Variants in BCL2 observed in about 807,000 individuals in gnomAD.
BCL2 encodes the protein apoptosis regulator Bcl-2.
A neutral mutation model predicts 14.2 loss-of-function variants in BCL2; 1 was observed. The ratio of observed to expected loss-of-function variants is 0.07; its 90% CI spans 0.02 to 0.33. BCL2 has a LOEUF of 0.33. BCL2 is among the 10% of genes least tolerant of loss of function. The pLI is 0.99. For missense variants in BCL2, 247 were observed against 305.9 expected (o/e 0.81, Z 1.44); for synonymous variants, 151 against 137.2 (o/e 1.10, Z -0.70).
intron 2 of BCL2, among the ~76,000 whole-genome samples, chr18:63,244,363 G>A (rs1001555928): frequency 6.6e-6 from 1 of 151,988 alleles, no homozygotes; most frequent in Non-Finnish European, 1.5e-5. Flanking sequence ...GGGCGACAGA[G>A]CAAGACTCTG....
intron 2 of BCL2, among the ~76,000 whole-genome samples, chr18:63,219,016 AT>A (rs1455983820): frequency 6.6e-6 from 1 of 152,162 alleles, no homozygotes; most frequent in Admixed American, 6.5e-5. Flanking sequence ...GTTGGTTGAT[AT>A]CACTGCACTC....
chr18:63,214,780 G>T (rs1040335312), intron 2 of BCL2, among the ~76,000 whole-genome samples: 1 of 151,966 alleles, frequency 6.6e-6, no homozygotes, highest in East Asian at 1.9e-4. Context: ...GCACGATCTT[G>T]GCTCACTGCA....
Position 63,127,904 on chromosome 18 carries a change from TA to T in BCL2, c.*720del, listed in dbSNP as rs1329240811. 2.2e-5 allele frequency: 5 copies of T among 225,164 alleles called. No homozygotes were observed. The highest frequency in any genetic ancestry group is 6.4e-5 in the East Asian group (1 of 15,684). 13.9% of individuals were successfully genotyped at this position (225,164 alleles called of 1,614,324 possible). On this transcript the variant is annotated 3_prime_UTR_variant, in exon 3 of 3. Transcript: ENST00000333681. ...GCTTTTCTCGGCACAATTGGTAGCT[TA>T]AAAAAATACTTTCCTATGATTTAAG...
chr18:63,169,629 TCTC>T (rs1411971214), intron 2 of BCL2, among the ~76,000 whole-genome samples: 1 of 151,640 alleles, frequency 6.6e-6, no homozygotes, highest in African/African-American at 2.4e-5. Flanking sequence ...TTCAAGCAAT[TCTC>T]CTGCTCTAGT....
chr18:63,258,928 A>T (rs12457893), intron 2 of BCL2, among the ~76,000 whole-genome samples: 1 of 152,244 alleles, frequency 6.6e-6, no homozygotes, highest in South Asian at 2.1e-4. Flanking sequence ...TCCTTTGTAG[A>T]TAAAAATGCA....
chr18:63,212,055 T>C (rs955078648), intron 2 of BCL2, among the ~76,000 whole-genome samples: 9 of 152,264 alleles, frequency 5.9e-5, no homozygotes, highest in South Asian at 2.1e-4. Flanking sequence ...AGGTCAGGTG[T>C]GGTGGCTCAC....
At chr18:63,305,016 G>C (rs1304653107) in intron 2 of BCL2, among the ~76,000 whole-genome samples, 1 of 152,066 alleles carries the variant, frequency 6.6e-6, no homozygotes, top group Non-Finnish European at 1.5e-5. Flanking sequence ...TAGAGACCTC[G>C]CACGTCAATC....
intron 2 of BCL2, among the ~76,000 whole-genome samples, chr18:63,221,507 C>A (rs1910390550): frequency 6.6e-6 from 1 of 152,166 alleles, no homozygotes; most frequent in Non-Finnish European, 1.5e-5. Flanking sequence ...GAAGCCAGAG[C>A]TTTTATGTAA....
intron 2 of BCL2, among the ~76,000 whole-genome samples, chr18:63,207,304 A>G (rs1252438989): frequency 1.3e-5 from 2 of 152,244 alleles, no homozygotes; most frequent in African/African-American, 4.8e-5. Context: ...CAGATCCACA[A>G]AACTGCACCT....
intron 2 of BCL2, among the ~76,000 whole-genome samples, chr18:63,294,068 C>T (rs1912730425): frequency 6.6e-6 from 1 of 152,082 alleles, no homozygotes; most frequent in South Asian, 2.1e-4. Context: ...TAATTCAGCG[C>T]CTTATTTTGT....
chr18:63,225,374 TTGA>T (rs1374247484), intron 2 of BCL2, among the ~76,000 whole-genome samples: 2 of 152,058 alleles, frequency 1.3e-5, no homozygotes, highest in African/African-American at 4.8e-5. Flanking sequence ...ATACATAAAA[TTGA>T]TGAAACAAAA....
At chr18:63,180,680 A>G (rs1915461933) in intron 2 of BCL2, among the ~76,000 whole-genome samples, 1 of 152,188 alleles carries the variant, frequency 6.6e-6, no homozygotes, top group African/African-American at 2.4e-5. Context: ...ATTGTAGGAT[A>G]GGGGGTCTCC....
chr18:63,218,771 TCCCCA>T, intron 2 of BCL2, among the ~76,000 whole-genome samples: 2 of 2,680 alleles, frequency 7.5e-4, no homozygotes, highest in South Asian at 8.5e-3. Flanking sequence ...CCTCTACTCA[TCCCCA>T]TCCTCCACTC....
At chr18:63,319,096 G>C (rs1369225749) in intron 1 of BCL2, 78 bp downstream of exon 1, 32 of 1,040,194 alleles carry the variant, frequency 3.1e-5, no homozygotes, top group Admixed American at 5.2e-5. Context: ...AAATTTACTC[G>C]AATGCACTTT....
chr18:63,239,763 CTT>C (rs1887929999), intron 2 of BCL2, among the ~76,000 whole-genome samples: 2 of 151,742 alleles, frequency 1.3e-5, no homozygotes, highest in Non-Finnish European at 2.9e-5. Flanking sequence ...AATCAGAACT[CTT>C]TATCAGGTCA....
chr18:63,136,925 A>G (rs1282479020), intron 2 of BCL2, among the ~76,000 whole-genome samples: 1 of 152,222 alleles, frequency 6.6e-6, no homozygotes, highest in East Asian at 1.9e-4. Flanking sequence ...AGGACAGAAC[A>G]GGGCAGTAGA....
intron 2 of BCL2, among the ~76,000 whole-genome samples, chr18:63,188,134 C>T (rs117331626): frequency 6.6e-6 from 1 of 152,162 alleles, no homozygotes; most frequent in East Asian, 1.9e-4. Context: ...CCATAACAAT[C>T]CAAAGCATGT....
Position 63,123,512 on chromosome 18 carries a change from G to A in BCL2, c.*5113C>T, listed in dbSNP as rs45503395. 91 of 205,880 alleles carry A rather than the reference G, an allele frequency of 4.4e-4. No homozygotes were observed. In the East Asian group the frequency reaches 6.6e-3, roughly 15 times the overall value. The allele number at this position is 205,880 out of a possible 1,614,324, so 12.8% of individuals were successfully genotyped here. A position where few individuals can be genotyped will look rare whatever the true frequency, so the allele number is the denominator to read the frequency against. On this transcript the variant is annotated 3_prime_UTR_variant, in exon 3 of 3. Coordinates refer to ENST00000333681, the MANE Select transcript of BCL2 (RefSeq NM_000633.3). ...CTTAACCATGTAAAGTATCCTTACCGTATTTTTTATGTGTACAGTGTTGCA... is the reference window on the plus strand; with the variant it reads ...CTTAACCATGTAAAGTATCCTTACCATATTTTTTATGTGTACAGTGTTGCA...
At chr18:63,166,979 ATGCTCCAGCCAG>A (rs1915061898) in intron 2 of BCL2, among the ~76,000 whole-genome samples, 1 of 152,216 alleles carries the variant, frequency 6.6e-6, no homozygotes, top group South Asian at 2.1e-4. Context: ...TTATGGTCGC[ATGCTCCAGCCAG>A]GGAGACCAAC....
Sources: allele counts gnomAD v4.1 joint callset (sites outside exome capture counted in the v4.1 genomes callset), GRCh38; gene constraint gnomAD v4.1.1; transcripts MANE v1.5; gene names NCBI Gene and HGNC (gene_info 2026-07-23, HGNC 2026-07-21).